The following LAMA4 variants were observed in gnomAD, a reference collection of about 807,000 sequenced individuals.
LAMA4 encodes laminin subunit alpha-4.
In LAMA4, 127 loss-of-function variants were observed where a neutral mutation model predicts 207.1. The observed-to-expected ratio is 0.61, with a 90% CI of 0.53 to 0.71. The LOEUF (loss-of-function observed/expected upper bound fraction) is 0.71. LAMA4 is among the 30% of genes least tolerant of loss of function. The pLI is 0.00. For synonymous variants in LAMA4, 761 were observed against 816.0 expected (o/e 0.93, Z 1.15); for missense variants, 2,093 against 2,246.5 (o/e 0.93, Z 1.38).
intron 9 of LAMA4, among the ~76,000 whole-genome samples, chr6:112,183,950 C>CAA (rs782424211): frequency 0.24 from 19,110 of 81,300 alleles, 2,383 homozygotes; most frequent in Non-Finnish European, 0.34. Context: ...GACTCCATCT[C>CAA]AAAAAAAAAA....
At chr6:112,122,553 A>C (rs1778424030) in intron 31 of LAMA4, among the ~76,000 whole-genome samples, 1 of 152,216 alleles carries the variant, frequency 6.6e-6, no homozygotes, top group Non-Finnish European at 1.5e-5. Context: ...AATGACCCTG[A>C]ATCAATCAAC....
Position 112,139,839 on chromosome 6 carries a change from A to G in LAMA4, c.3023T>C (p.Leu1008Pro). ...NLPGFVGCLE[L>P]ATLNNDVISL... ...GATCACATCATTATTCAAAGTGGCC[A>G]GTTCCAGGCAGCCAACAAAGCCAGG... Residue 1008 changes from leucine to proline, a missense_variant, in exon 23 of 39, where the codon CTG (leucine) becomes CCG (proline). Leu to Pro is a moderately conservative substitution (Grantham distance 98). This residue lies in a region of LAMA4 where 1,704 missense variants were observed against 1,788.4 expected (regional missense o/e 0.95). Coordinates refer to ENST00000230538, the MANE Select transcript of LAMA4 (RefSeq NM_001105206.3). The G allele has an allele frequency of 6.2e-7, 1 of 1,614,118 alleles. No individual in the cohort carries two copies. Among genetic ancestry groups the G allele is most frequent in the Non-Finnish European group, 8.5e-7 (1 of 1,179,974 alleles).
chr6:112,236,229 A>T (rs1410769101), intron 2 of LAMA4: 1 of 152,236 alleles, frequency 6.6e-6, no homozygotes, highest in Non-Finnish European at 1.5e-5. Context: ...TAGCAGCATG[A>T]TGATTTCCAG....
At chr6:112,236,415 T>C (rs1286842092) in intron 2 of LAMA4, 1 of 152,226 alleles carries the variant, frequency 6.6e-6, no homozygotes, top group Non-Finnish European at 1.5e-5. Flanking sequence ...GGTGGAAATA[T>C]ATAGGAAAAC....
At chr6:112,170,418 G>A (rs148559788) in intron 12 of LAMA4, among the ~76,000 whole-genome samples, 17 of 152,260 alleles carry the variant, frequency 1.1e-4, no homozygotes, top group African/African-American at 3.6e-4. Flanking sequence ...TGTTGCATGA[G>A]GTTGCAGTGT....
chr6:112,200,224 G>C lies in LAMA4; in HGVS notation c.503+1384C>G, dbSNP rs1489779955. 3 of 519,352 alleles carry C rather than the reference G, an allele frequency of 5.8e-6. No individual in the cohort carries two copies. The Admixed American group carries it at 6.3e-5, about 11-fold the overall frequency. 32.2% of individuals were successfully genotyped at this position (519,352 alleles called of 1,614,324 possible). A position where few individuals can be genotyped will look rare whatever the true frequency, so the allele number is the denominator to read the frequency against. On this transcript the variant is annotated intron_variant, in intron 5 of 38. Transcript: ENST00000230538. ...GAGCAGTTTAGAAAAAGAGAGAAAA[G>C]AGTGTCATGTGCTTTTCAAAAGAAG... is the stretch of plus-strand genomic sequence containing the variant.
In LAMA4 at chr6:112,191,629, A is replaced by G; in HGVS notation, c.718+7T>C. 1 of 1,607,706 alleles carries G rather than the reference A, an allele frequency of 6.2e-7. No individual in the cohort carries two copies. The highest frequency in any genetic ancestry group is 8.5e-7 in the Non-Finnish European group (1 of 1,174,338). On this transcript the variant is annotated splice_region_variant and intron_variant, in intron 6 of 38. Transcript: ENST00000230538. ...AGGCAGCTGGCTTAGTATTTATGATACTGCACCTGCACAGTTCTTGGCTAT... is the reference window on the plus strand; with the variant it reads ...AGGCAGCTGGCTTAGTATTTATGATGCTGCACCTGCACAGTTCTTGGCTAT...
At chr6:112,132,572 C>A (rs1554330132) in intron 28 of LAMA4, among the ~76,000 whole-genome samples, 181 bp downstream of exon 28, 1 of 152,146 alleles carries the variant, frequency 6.6e-6, no homozygotes, top group Admixed American at 6.6e-5. Flanking sequence ...AGGTTAGGAA[C>A]TTCTGATATA....
At chr6:112,155,478 TCA>T in intron 15 of LAMA4, 85 bp downstream of exon 15, 1 of 1,460,860 alleles carries the variant, frequency 6.8e-7, no homozygotes. Context: ...CATTTGGATT[TCA>T]CACTGGAAGT....
intron 18 of LAMA4, among the ~76,000 whole-genome samples, chr6:112,145,461 AAG>A (rs1214141910): frequency 7.9e-5 from 12 of 152,216 alleles, no homozygotes; most frequent in Non-Finnish European, 1.8e-4. Flanking sequence ...TGTACCTGGA[AAG>A]AGAGAAAGTT....
intron 2 of LAMA4, among the ~76,000 whole-genome samples, chr6:112,233,646 C>A (rs1350757736): frequency 6.6e-6 from 1 of 151,808 alleles, no homozygotes; most frequent in African/African-American, 2.4e-5. Context: ...GGTAGATGTG[C>A]GGTTTGTGGA....
intron 33 of LAMA4, 51 bp downstream of exon 33, chr6:112,120,232 T>C (rs782744438): frequency 2.0e-6 from 3 of 1,476,458 alleles, no homozygotes; most frequent in South Asian, 1.1e-5. Flanking sequence ...TAGTGTCCAT[T>C]TGACAATGGT....
In LAMA4 at chr6:112,120,281, A is replaced by T; in HGVS notation, c.4665+2T>A. 3 of 1,612,786 alleles carry T rather than the reference A, an allele frequency of 1.9e-6. No homozygotes were observed. The highest frequency in any genetic ancestry group is 2.5e-6 in the Non-Finnish European group (3 of 1,179,370). On this transcript the variant is annotated splice_donor_variant, in intron 33 of 38. Coordinates refer to ENST00000230538, the MANE Select transcript of LAMA4 (RefSeq NM_001105206.3). LOFTEE classifies it high-confidence loss of function. The stretch of plus-strand genomic sequence containing the variant: ...TAATGCTGTTCTCTGCCTTCAACTT[A>T]CATCATGCCACAGGCCATCATTGTA...
At chr6:112,205,131 C>A (rs59596549) in intron 4 of LAMA4, among the ~76,000 whole-genome samples, 8,376 of 152,254 alleles carry the variant, frequency 0.055, 731 homozygotes, top group African/African-American at 0.19. Flanking sequence ...TTAATCTTTA[C>A]AACAGCTATC....
At chr6:112,183,963 A>AG (rs1428775016) in intron 9 of LAMA4, among the ~76,000 whole-genome samples, 11 of 151,662 alleles carry the variant, frequency 7.3e-5, no homozygotes, top group African/African-American at 2.4e-4. Flanking sequence ...AAAAAAAAAA[A>AG]AAAAAAGAAA....
chr6:112,148,052 G>A (rs868911055), intron 18 of LAMA4, 105 bp downstream of exon 18: 42 of 1,113,992 alleles, frequency 3.8e-5, no homozygotes, highest in South Asian at 2.2e-4. Context: ...TATAATTTTC[G>A]AATCCAAAAC....
intron 3 of LAMA4, among the ~76,000 whole-genome samples, chr6:112,207,911 C>G (rs941174070): frequency 9.9e-5 from 15 of 152,156 alleles, no homozygotes; most frequent in African/African-American, 3.6e-4. Flanking sequence ...GTGCTATTAT[C>G]TATTCTCAGC....
At chr6:112,187,427 G>A (rs1782751033) in intron 8 of LAMA4, 23 bp downstream of exon 8, 1 of 1,613,840 alleles carries the variant, frequency 6.2e-7, no homozygotes, top group Non-Finnish European at 8.5e-7. Flanking sequence ...AAACAGAGTG[G>A]AAAGTAGAAC....
intron 5 of LAMA4, among the ~76,000 whole-genome samples, chr6:112,199,359 C>T (rs1156296438): frequency 6.6e-6 from 1 of 152,112 alleles, no homozygotes; most frequent in Non-Finnish European, 1.5e-5. Flanking sequence ...ATTGAACACC[C>T]ATTAGCAATA....
Sources: gnomAD v4.1 joint callset for allele counts (sites outside exome capture counted in the v4.1 genomes callset) on GRCh38, gnomAD v4.1.1 for gene constraint, gnomAD v4.1.1 regional missense constraint, MANE v1.5 for transcripts, NCBI Gene and HGNC (gene_info 2026-07-23, HGNC 2026-07-21) for gene names.